The following ZNF18 variants were observed in gnomAD, a reference collection of about 807,000 sequenced individuals.
The protein encoded by ZNF18 is heart development-specific gene 1 protein.
ZNF18 carries 42 observed loss-of-function variants against 58.1 expected under a neutral mutation model. That is an observed-to-expected ratio of 0.72 (90% CI 0.56 to 0.93). ZNF18 has a LOEUF of 0.93. Ranked by LOEUF, ZNF18 falls within the 40% of genes least tolerant of loss-of-function variation. ZNF18 has a pLI of 0.00. For missense variants in ZNF18, 540 were observed against 644.2 expected (o/e 0.84, Z 1.75); for synonymous variants, 231 against 239.8 (o/e 0.96, Z 0.34).
chr17:11,978,772 G>A, intron 6 of ZNF18, 28 bp from the exon 7 acceptor site: 10 of 1,466,898 alleles, frequency 6.8e-6, no homozygotes, highest in Non-Finnish European at 9.1e-6. Context: ...ATTTGAAATG[G>A]TTCAAGTGCT....
rs757579809 is a variant in ZNF18 at position 11,992,679 on chromosome 17, C to T, written c.151G>A (p.Val51Met). 1.9e-6 allele frequency: 3 copies of T among 1,614,210 alleles called. No homozygotes were observed. The highest frequency in any genetic ancestry group is 2.5e-6 in the Non-Finnish European group (3 of 1,180,046). ...AAGGTCTCATGAGGCCCAGACATCACCTGGTAACGGAACTGCCTGAAAAGC... is the reference window on the plus strand; with the variant it reads ...AAGGTCTCATGAGGCCCAGACATCATCTGGTAACGGAACTGCCTGAAAAGC... ...RQLFRQFRYQ[V>M]MSGPHETLKQ... The change falls in exon 2 of 7, where the codon GTG becomes ATG. Residue 51 changes from valine to methionine, a missense_variant. Coordinates refer to ENST00000580306, the MANE Select transcript of ZNF18 (RefSeq NM_001303281.2).
chr17:11,979,444 G>A (rs779382781), intron 6 of ZNF18, among the ~76,000 whole-genome samples: 1 of 152,106 alleles, frequency 6.6e-6, no homozygotes, highest in East Asian at 1.9e-4. Flanking sequence ...GCAATGCAGC[G>A]GGGCTTTACT....
At chr17:11,981,767 C>T (rs1032430526) in intron 6 of ZNF18, among the ~76,000 whole-genome samples, 1 of 151,906 alleles carries the variant, frequency 6.6e-6, no homozygotes, top group African/African-American at 2.4e-5. Flanking sequence ...ACCCAAAACT[C>T]GTCTTAAAAA....
chr17:12,021,013 G>A, the ZNF18 span: 5 of 1,203,516 alleles, frequency 4.2e-6, no homozygotes, highest in African/African-American at 6.3e-5. Context: ...TAAGGAACGC[G>A]GCCGCGCCGA....
At chr17:11,999,924 A>C (rs141754459), upstream of ZNF18, among the ~76,000 whole-genome samples, 1 of 152,226 alleles carries the variant, frequency 6.6e-6, no homozygotes, top group East Asian at 1.9e-4. Flanking sequence ...AAATTGCAAA[A>C]GTTTTTGTTG....
intron 6 of ZNF18, among the ~76,000 whole-genome samples, chr17:11,982,657 A>AGTGTGTGTGTGTGTGTGTGTGT (rs143602913): frequency 1.0e-4 from 14 of 136,810 alleles, no homozygotes; most frequent in African/African-American, 2.4e-4. Context: ...TATATATAAA[A>AGTGTGTGTGTGTGTGTGTGTGT]GTGTGTGTGT....
At chr17:11,993,003 G>A in intron 1 of ZNF18, 92 bp from the exon 2 acceptor site, 1 of 700,186 alleles carries the variant, frequency 1.4e-6, no homozygotes, top group African/African-American at 1.8e-5. Context: ...GAAGCCATGG[G>A]GTCAACTATG....
chr17:12,018,691 T>C, the ZNF18 span, among the ~76,000 whole-genome samples: 25 of 152,194 alleles, frequency 1.6e-4, no homozygotes, highest in African/African-American at 6.0e-4. Context: ...AAAAAGCTCA[T>C]ACATAGCTTC....
At chr17:11,996,496 AGTGT>A (rs1267786224) in intron 1 of ZNF18, among the ~76,000 whole-genome samples, 1 of 152,162 alleles carries the variant, frequency 6.6e-6, no homozygotes, top group Non-Finnish European at 1.5e-5. Context: ...ACTCCCAGGT[AGTGT>A]GTAAGAAAAA....
chr17:11,981,530 C>CTTTT (rs34496641), intron 6 of ZNF18, among the ~76,000 whole-genome samples: 1 of 93,498 alleles, frequency 1.1e-5, no homozygotes, highest in Non-Finnish European at 2.0e-5. Flanking sequence ...CCTATAATAG[C>CTTTT]TTTTTTTTTT....
At position 11,992,597 on chromosome 17, in the gene ZNF18, T is replaced by C; in HGVS notation, c.233A>G (p.Glu78Gly). The C allele has an allele frequency of 6.2e-7, 1 of 1,614,220 alleles. No individual in the cohort carries two copies. The highest frequency in any genetic ancestry group is 1.1e-5 in the South Asian group (1 of 91,090). Residue 78 changes from glutamate to glycine, a missense_variant, in exon 2 of 7, where the codon GAG becomes GGG. Coordinates refer to ENST00000580306, the MANE Select transcript of ZNF18 (RefSeq NM_001303281.2). ...QWLQPEVHTK[E>G]QILEILMLEQ... The stretch of plus-strand genomic sequence containing the variant: ...CAACATGAGGATCTCTAGGATCTGC[T>C]CTTTGGTGTGAACCTCTGGCTGTAG...
Position 11,977,562 on chromosome 17 carries a change from C to T in ZNF18, c.*395G>A, listed in dbSNP as rs1967074903. On this transcript the variant is annotated 3_prime_UTR_variant, in exon 7 of 7. Transcript: ENST00000580306. ...CCTCTATGCTTCTCCCCTTCTGGAACAGAAGACCTGCTCTAGAACTCATTT... is the reference window on the plus strand; with the variant it reads ...CCTCTATGCTTCTCCCCTTCTGGAATAGAAGACCTGCTCTAGAACTCATTT... 6.1e-6 allele frequency: 1 copy of T among 165,138 alleles called. No individual in the cohort carries two copies. The highest frequency in any genetic ancestry group is 1.3e-5 in the Non-Finnish European group (1 of 76,370). 10.2% of individuals were successfully genotyped at this position (165,138 alleles called of 1,614,324 possible).
rs916794282 is a variant in ZNF18 at position 11,978,572 on chromosome 17, C to A, written c.1035G>T (p.Glu345Asp). 5 of 1,614,084 alleles carry A rather than the reference C, an allele frequency of 3.1e-6. No individual in the cohort carries two copies. The highest frequency in any genetic ancestry group is 2.2e-5 in the East Asian group (1 of 44,862). ...GCFGEGENLP[E>D]ALQNIQDEGT... The stretch of plus-strand genomic sequence containing the variant: ...CCTCATCCTGAATGTTTTGCAGAGC[C>A]TCAGGGAGATTCTCTCCTTCTCCAA... Residue 345 changes from glutamate (E) to aspartate (D), a missense_variant, in exon 7 of 7, where the codon GAG (glutamate) becomes GAT (aspartate). Transcript: ENST00000580306.
rs1157630007 is a variant in ZNF18 at position 11,977,651 on chromosome 17, C to A, written c.*306G>T. ...TACAGCTAATCCCATTAAATGCTTC[C>A]CAGAAAGCACTTCTAAAACTGGATC... On this transcript the variant is annotated 3_prime_UTR_variant, in exon 7 of 7. Transcript: ENST00000580306. 2 of 270,960 alleles carry A rather than the reference C, an allele frequency of 7.4e-6. No individual in the cohort carries two copies. The highest frequency in any genetic ancestry group is 2.2e-5 in the African/African-American group (1 of 45,498). 16.8% of individuals were successfully genotyped at this position (270,960 alleles called of 1,614,324 possible).
Position 11,978,238 on chromosome 17 carries a change from T to C in ZNF18, c.1369A>G (p.Thr457Ala). 6.2e-7 allele frequency: 1 copy of C among 1,613,644 alleles called. No individual in the cohort carries two copies. Among genetic ancestry groups the C allele is most frequent in the Non-Finnish European group, 8.5e-7 (1 of 1,179,824 alleles). Reference protein sequence around the residue: ...RSSDFVKHQRTHTGEKPCKCD... With the variant: ...RSSDFVKHQRAHTGEKPCKCD... ...TTACAGGGCTTCTCTCCCGTGTGAG[T>C]TCTCTGATGCTTCACAAAGTCTGAA... Residue 457 changes from threonine (T) to alanine (A), a missense_variant, in exon 7 of 7, where the codon ACT (threonine) becomes GCT (alanine). By Grantham distance (58) the Thr-to-Ala change is moderately conservative. Transcript: ENST00000580306.
chr17:11,996,569 A>G (rs1466146457), intron 1 of ZNF18, among the ~76,000 whole-genome samples: 5 of 152,228 alleles, frequency 3.3e-5, no homozygotes, highest in African/African-American at 4.8e-5. Context: ...AATAGAGTTT[A>G]TATTCCGATA....
At chr17:11,989,269 G>A (rs1310357729) in intron 4 of ZNF18, among the ~76,000 whole-genome samples, 1 of 152,070 alleles carries the variant, frequency 6.6e-6, no homozygotes, top group East Asian at 1.9e-4. Context: ...AGGCTGCAGT[G>A]AGCTATGACT....
chr17:12,020,841 C>G, the ZNF18 span: 14 of 917,324 alleles, frequency 1.5e-5, no homozygotes, highest in East Asian at 1.7e-4. Context: ...GCCGAGCTTG[C>G]TGCATTGCAG....
chr17:11,996,193 A>G (rs941642690), intron 1 of ZNF18, among the ~76,000 whole-genome samples: 1 of 152,186 alleles, frequency 6.6e-6, no homozygotes, highest in Non-Finnish European at 1.5e-5. Flanking sequence ...TTATCAAACC[A>G]CCTGAAAAGC....
Sources: allele counts gnomAD v4.1 joint callset (sites outside exome capture counted in the v4.1 genomes callset), GRCh38; gene constraint gnomAD v4.1.1; transcripts MANE v1.5; gene names NCBI Gene and HGNC (gene_info 2026-07-23, HGNC 2026-07-21).